The following ITGB8 variants were observed in gnomAD, a reference collection of about 807,000 sequenced individuals.
The protein encoded by ITGB8 is integrin beta-8.
Under a neutral mutation model 89.5 loss-of-function variants are expected in ITGB8, and 30 were observed. That is an observed-to-expected ratio of 0.34 (90% CI 0.25 to 0.45). The LOEUF (loss-of-function observed/expected upper bound fraction) is 0.45. Among genes scored for constraint, ITGB8 ranks in the 20% least tolerant of loss-of-function variants. ITGB8 has a pLI of 1.00. For missense variants in ITGB8, 836 were observed against 933.3 expected, an observed-to-expected ratio of 0.90 and a Z score of 1.36; for synonymous variants, 335 against 320.4, an observed-to-expected ratio of 1.05 and a Z score of -0.49.
At chr7:20,354,818 AATC>A (rs1314286146) in intron 1 of ITGB8, among the ~76,000 whole-genome samples, 1 of 152,232 alleles carries the variant, frequency 6.6e-6, no homozygotes, top group Non-Finnish European at 1.5e-5. Context: ...TTAGTTATGC[AATC>A]ATCATCATTA....
At chr7:20,375,205 GA>G (rs146479637) in intron 3 of ITGB8, among the ~76,000 whole-genome samples, 25 of 147,568 alleles carry the variant, frequency 1.7e-4, no homozygotes, top group South Asian at 2.2e-4. Flanking sequence ...ATTCATAAAG[GA>G]AAAAAAAAAG....
chr7:20,363,852 T>C (rs1450303594), intron 2 of ITGB8, 130 bp downstream of exon 2: 2 of 459,344 alleles, frequency 4.4e-6, no homozygotes, highest in African/African-American at 4.0e-5. Flanking sequence ...AGGAAAATTT[T>C]ATTTGGTTTT....
intron 3 of ITGB8, among the ~76,000 whole-genome samples, chr7:20,368,779 C>T (rs1277804168): frequency 6.6e-6 from 1 of 152,024 alleles, no homozygotes; most frequent in Non-Finnish European, 1.5e-5. Context: ...GTTATAGTTG[C>T]CCAACCATCT....
At chr7:20,377,635 G>A (rs559619666) in intron 3 of ITGB8, among the ~76,000 whole-genome samples, 2 of 152,314 alleles carry the variant, frequency 1.3e-5, no homozygotes, top group South Asian at 4.1e-4. Flanking sequence ...ATGCTCTCAG[G>A]AGGCAGCCTA....
intron 8 of ITGB8, among the ~76,000 whole-genome samples, chr7:20,396,863 CT>C (rs1787103530): frequency 2.0e-5 from 3 of 152,206 alleles, no homozygotes; most frequent in African/African-American, 7.2e-5. Context: ...TATGCAATGC[CT>C]TAGTCCAGTG....
chr7:20,390,419 A>G (rs1465923983), intron 6 of ITGB8, among the ~76,000 whole-genome samples: 3 of 152,092 alleles, frequency 2.0e-5, no homozygotes, highest in Non-Finnish European at 2.9e-5. Context: ...TAATATACCT[A>G]ACTATATAAC....
chr7:20,396,232 A>T (rs1787069883), intron 8 of ITGB8, among the ~76,000 whole-genome samples: 1 of 152,012 alleles, frequency 6.6e-6, no homozygotes, highest in Non-Finnish European at 1.5e-5. Context: ...AGGTCAGGAG[A>T]TTGACACCAT....
chr7:20,353,429 G>A (rs1785176553), intron 1 of ITGB8: 1 of 152,104 alleles, frequency 6.6e-6, no homozygotes, highest in South Asian at 2.1e-4. Flanking sequence ...TCAGTCAGGG[G>A]ATACTCACCT....
intron 9 of ITGB8, among the ~76,000 whole-genome samples, chr7:20,400,073 C>T (rs1283083485): frequency 1.3e-5 from 2 of 152,112 alleles, no homozygotes; most frequent in Non-Finnish European, 2.9e-5. Flanking sequence ...TTTGGCTTTT[C>T]ATTAAAACTA....
In ITGB8 at chr7:20,367,095, A is replaced by G; in HGVS notation, c.297A>G (p.Ile99Met). ...GCAAAGGCTGCTCAGTTGATTCAAT[A>G]GAATACCCATCTGTGCATGTTATAA... ...LISKGCSVDS[I>M]EYPSVHVIIP... Residue 99 changes from isoleucine to methionine, a missense_variant, in exon 3 of 14, where the codon ATA (isoleucine) becomes ATG (methionine). Physicochemically the swap from Ile to Met is conservative, Grantham distance 10 (BLOSUM62 1). Transcript: ENST00000222573. 6.2e-7 allele frequency: 1 copy of G among 1,609,636 alleles called. No homozygotes were observed. Among genetic ancestry groups the G allele is most frequent in the Non-Finnish European group, 8.5e-7 (1 of 1,175,942 alleles).
At chr7:20,350,503 CCCA>C (rs1785079455) in intron 1 of ITGB8, among the ~76,000 whole-genome samples, 1 of 152,190 alleles carries the variant, frequency 6.6e-6, no homozygotes, top group Non-Finnish European at 1.5e-5. Context: ...TTAAAACAGT[CCCA>C]TAAACTCACA....
Position 20,365,845 on chromosome 7 carries a change from A to G in ITGB8, c.214-1167A>G, listed in dbSNP as rs554522519. ...GGTGCGGATGTGACTGATGCCAATGATTCCTCAACCAGCAAGGCTGGAAGG... is the reference window on the plus strand; with the variant it reads ...GGTGCGGATGTGACTGATGCCAATGGTTCCTCAACCAGCAAGGCTGGAAGG... On this transcript the variant is annotated intron_variant, in intron 2 of 13. Transcript: ENST00000222573. 2.0e-5 allele frequency: 3 copies of G among 150,878 alleles called. No individual in the cohort carries two copies. The South Asian group carries it at 6.3e-4, about 32-fold the overall frequency. The allele number at this position is 150,878 out of a possible 1,614,324, so 9.3% of individuals were successfully genotyped here.
intron 3 of ITGB8, among the ~76,000 whole-genome samples, chr7:20,368,801 T>C (rs906006634): frequency 1.4e-4 from 21 of 152,100 alleles, no homozygotes; most frequent in Non-Finnish European, 2.5e-4. Context: ...TAATGATTTT[T>C]TTTAATTTTA....
rs748736193 is a variant in ITGB8 at position 20,412,389 on chromosome 7, C to G, written c.*2392C>G. 3 of 152,296 alleles carry G rather than the reference C, an allele frequency of 2.0e-5. No homozygotes were observed. Among genetic ancestry groups the G allele is most frequent in the Non-Finnish European group, 4.4e-5 (3 of 67,994 alleles). 9.4% of individuals were successfully genotyped at this position (152,296 alleles called of 1,614,324 possible). A position where few individuals can be genotyped will look rare whatever the true frequency, so the allele number is the denominator to read the frequency against. ...GGAAAATGGATGGATGCCTGACAAC[C>G]CTCCAAAAGAAAAAAGTGTAAGATA... is the stretch of plus-strand genomic sequence containing the variant. On this transcript the variant is annotated 3_prime_UTR_variant, in exon 14 of 14. Transcript: ENST00000222573.
chr7:20,392,109 C>A (rs1786885058), intron 7 of ITGB8, among the ~76,000 whole-genome samples: 1 of 151,990 alleles, frequency 6.6e-6, no homozygotes, highest in African/African-American at 2.4e-5. Context: ...TGCCATGGAC[C>A]CCCCAGCATA....
intron 1 of ITGB8, among the ~76,000 whole-genome samples, chr7:20,342,259 G>A (rs1375778994): frequency 6.6e-6 from 1 of 152,156 alleles, no homozygotes; most frequent in African/African-American, 2.4e-5. Flanking sequence ...GTCCACTTGA[G>A]GATCTTTGTT....
At position 20,401,757 on chromosome 7, in the gene ITGB8, G is replaced by T. The variant is rs1331152410; in HGVS notation, c.1318G>T (p.Asp440Tyr). ...FNVTVTMKKC[D>Y]VTGGKNYAII... ...TGTAACAGTTACAATGAAAAAATGTGATGTCACAGGAGGAAAAAACTATGC... is the reference window on the plus strand; with the variant it reads ...TGTAACAGTTACAATGAAAAAATGTTATGTCACAGGAGGAAAAAACTATGC... Residue 440 changes from aspartate (D) to tyrosine (Y), a missense_variant, in exon 10 of 14, where the codon GAT becomes TAT. Asp to Tyr is a radical substitution (Grantham distance 160, BLOSUM62 -3). This residue lies in a region of ITGB8 where 422 missense variants were observed against 416.9 expected (regional missense o/e 1.01). Coordinates refer to ENST00000222573, the MANE Select transcript of ITGB8 (RefSeq NM_002214.3). 6.3e-7 allele frequency: 1 copy of T among 1,576,782 alleles called. No homozygotes were observed. The highest frequency in any genetic ancestry group is 1.4e-5 in the African/African-American group (1 of 72,876).
chr7:20,395,512 C>G (rs1236488585), intron 8 of ITGB8, among the ~76,000 whole-genome samples: 1 of 152,166 alleles, frequency 6.6e-6, no homozygotes, highest in Non-Finnish European at 1.5e-5. Context: ...AGTAGATACT[C>G]TGTTTTCTTG....
At chr7:20,338,448 G>GT (rs142454174) in intron 1 of ITGB8, among the ~76,000 whole-genome samples, 1,704 of 152,088 alleles carry the variant, frequency 0.011, 27 homozygotes, top group African/African-American at 0.039. Flanking sequence ...CCAACATGGA[G>GT]TAAAGACCAG....
Sources: allele counts gnomAD v4.1 joint callset (sites outside exome capture counted in the v4.1 genomes callset), GRCh38; gene constraint gnomAD v4.1.1; regional missense constraint gnomAD v4.1.1; transcripts MANE v1.5; gene names NCBI Gene and HGNC (gene_info 2026-07-23, HGNC 2026-07-21).